SRRM4: variants seen among roughly 807,000 people sequenced by gnomAD.
SRRM4 encodes serine/arginine repetitive matrix 4, also known as serine/arginine repetitive matrix protein 4.
SRRM4 carries 33 observed loss-of-function variants against 68.9 expected under a neutral mutation model. The observed-to-expected ratio is 0.48, with a 90% confidence interval of 0.36 to 0.64. The LOEUF (loss-of-function observed/expected upper bound fraction) is 0.64, where lower values mean the gene tolerates loss of function less well. Among genes scored for constraint, SRRM4 ranks in the 30% least tolerant of loss-of-function variants. SRRM4 has a pLI of 0.00. For missense variants in SRRM4, 817 were observed against 827.1 expected (o/e 0.99, Z 0.15); for synonymous variants, 318 against 318.8 (o/e 1.00, Z 0.03).
At chr12:119,064,556 T>A (rs1323434854) in intron 1 of SRRM4, among the ~76,000 whole-genome samples, 1 of 152,136 alleles carries the variant, frequency 6.6e-6, no homozygotes. Context: ...AAAGAACACT[T>A]CAGAAAACTA....
intron 1 of SRRM4, among the ~76,000 whole-genome samples, chr12:119,047,987 A>G (rs574891859): frequency 6.6e-6 from 1 of 152,360 alleles, no homozygotes; most frequent in South Asian, 2.1e-4. Flanking sequence ...TTCTTATAAG[A>G]GACAAATGTT....
chr12:119,153,737 G>A, intron 11 of SRRM4, 88 bp downstream of exon 11: 1 of 976,252 alleles, frequency 1.0e-6, no homozygotes, highest in Non-Finnish European at 1.6e-6. Flanking sequence ...CCCCGTTCTC[G>A]GGCCTTCTTC....
intron 7 of SRRM4, 68 bp from the exon 8 acceptor site, chr12:119,130,610 G>A: frequency 6.7e-7 from 1 of 1,488,442 alleles, no homozygotes; most frequent in Admixed American, 2.0e-5. Context: ...GATCCTGTTG[G>A]TCCTGCATAC....
intron 1 of SRRM4, among the ~76,000 whole-genome samples, chr12:118,983,084 T>A (rs1000428354): frequency 2.6e-5 from 4 of 152,210 alleles, no homozygotes; most frequent in Non-Finnish European, 5.9e-5. Flanking sequence ...GGGAGCAGAT[T>A]GAAAACATGT....
Position 119,151,305 on chromosome 12 carries a change from A to C in SRRM4, c.1280+85A>C, listed in dbSNP as rs976363595. On this transcript the variant is annotated intron_variant, in intron 10 of 12. Coordinates refer to ENST00000267260, the MANE Select transcript of SRRM4 (RefSeq NM_194286.4). ...GCAGATGTCCTTTGACCCATGGGGG[A>C]GAGAAGTCAGACGGACTTAGGTTTG... 5.5e-6 allele frequency: 7 copies of C among 1,276,354 alleles called. No individual in the cohort carries two copies. The African/African-American group carries it at 1.0e-4, about 19-fold the overall frequency. The allele number at this position is 1,276,354 out of a possible 1,614,324, so 79.1% of individuals were successfully genotyped here.
At chr12:118,992,328 G>A (rs1953322184) in intron 1 of SRRM4, 1 of 152,184 alleles carries the variant, frequency 6.6e-6, no homozygotes, top group Non-Finnish European at 1.5e-5. Flanking sequence ...TGTGAGACAT[G>A]ACATCCCGCC....
intron 2 of SRRM4, among the ~76,000 whole-genome samples, chr12:119,107,391 G>A (rs116671277): frequency 0.077 from 11,710 of 152,112 alleles, 499 homozygotes; most frequent in Admixed American, 0.1. Flanking sequence ...TACAGAAGAA[G>A]TGGTACCAAC....
At chr12:119,119,066 T>TA (rs1954201248) in intron 4 of SRRM4, among the ~76,000 whole-genome samples, 1 of 150,932 alleles carries the variant, frequency 6.6e-6, no homozygotes, top group Non-Finnish European at 1.5e-5. Flanking sequence ...TTTTTTTTTT[T>TA]TGTCTCTCCT....
chr12:118,984,677 A>G (rs1015548442), intron 1 of SRRM4, among the ~76,000 whole-genome samples: 2 of 152,238 alleles, frequency 1.3e-5, no homozygotes, highest in African/African-American at 4.8e-5. Context: ...TGCAACTGCA[A>G]TCTAAGCAAC....
At chr12:119,131,225 C>A (rs1873628474) in intron 8 of SRRM4, among the ~76,000 whole-genome samples, 1 of 152,182 alleles carries the variant, frequency 6.6e-6, no homozygotes, top group African/African-American at 2.4e-5. Flanking sequence ...CCAGCTTTTA[C>A]ATGAAGTCTG....
At chr12:119,093,744 C>T (rs762630708) in intron 1 of SRRM4, among the ~76,000 whole-genome samples, 4 of 152,162 alleles carry the variant, frequency 2.6e-5, no homozygotes, top group Non-Finnish European at 5.9e-5. Context: ...TTTTGAACAC[C>T]CTGCTCAAGT....
intron 1 of SRRM4, among the ~76,000 whole-genome samples, chr12:119,091,998 A>C (rs902220658): frequency 6.6e-6 from 1 of 152,226 alleles, no homozygotes; most frequent in African/African-American, 2.4e-5. Context: ...GAATGAGTGA[A>C]TGAATAGCTG....
In SRRM4 at chr12:119,154,830, G is replaced by C. The variant is rs1444136435; in HGVS notation, c.1532+447G>C. Among the ~76,000 whole-genome samples, 1 of 152,234 alleles carries C rather than the reference G, an allele frequency of 6.6e-6. No individual in the cohort carries two copies. The highest frequency in any genetic ancestry group is 1.5e-5 in the Non-Finnish European group (1 of 68,048). On this transcript the variant is annotated intron_variant, in intron 12 of 12. Coordinates refer to ENST00000267260, the MANE Select transcript of SRRM4 (RefSeq NM_194286.4). This position sits in a 1 kb window ranked among gnomAD's most constrained non-coding sequence, Gnocchi z 4.7. ...CTCAGACCTGTACACTCAGCTGTCA[G>C]GCTTAAATAAACCTATATGTAATTA...
rs920127494 is a variant in SRRM4, at chr12:119,154,444, A to G, written c.1532+61A>G. 2 of 1,581,168 alleles carry G rather than the reference A, an allele frequency of 1.3e-6. No individual in the cohort carries two copies. The highest frequency in any genetic ancestry group is 1.3e-5 in the African/African-American group (1 of 74,310). On this transcript the variant is annotated intron_variant, in intron 12 of 12. Transcript: ENST00000267260. The surrounding 1 kb of genome is among the most constrained non-coding windows in gnomAD (Gnocchi z 4.7). ...CTCGTTCCCACTCCCATTCTTACTC[A>G]TTCGAGCCTCAGGCTCTCCCTAGGC...
intron 1 of SRRM4, among the ~76,000 whole-genome samples, chr12:119,052,781 G>A (rs7953473): frequency 0.88 from 134,099 of 152,164 alleles, 59,456 homozygotes; most frequent in Middle Eastern, 0.95. Context: ...GCCCCACCTC[G>A]GCCTCCCAAA....
Position 119,103,923 on chromosome 12 carries a change from T to C in SRRM4, c.278+1541T>C, listed in dbSNP as rs144406563. Among the ~76,000 whole-genome samples the C allele has an allele frequency of 7.7e-3, 1,178 of 152,176 alleles. 22 individuals are homozygous for C. Among genetic ancestry groups the C allele is most frequent in the African/African-American group, 0.027 (1,116 of 41,512 alleles). The stretch of plus-strand genomic sequence containing the variant: ...GAGGCTGAGGCAGAAGAATTGCTTG[T>C]ACCCAGGAGGAGGAGGTTGCAGTGA... On this transcript the variant is annotated intron_variant, in intron 2 of 12. Coordinates refer to ENST00000267260, the MANE Select transcript of SRRM4 (RefSeq NM_194286.4).
intron 8 of SRRM4, 50 bp downstream of exon 8, chr12:119,130,884 G>A (rs748038877): frequency 1.3e-6 from 2 of 1,565,870 alleles, no homozygotes; most frequent in Non-Finnish European, 1.7e-6. Flanking sequence ...CGACACTTGG[G>A]GAATGTGGAG....
At chr12:119,045,367 G>A (rs538726733) in intron 1 of SRRM4, among the ~76,000 whole-genome samples, 1 of 139,620 alleles carries the variant, frequency 7.2e-6, no homozygotes, top group South Asian at 2.4e-4. Context: ...TATCTTTGAT[G>A]AAAACGCCTC....
At chr12:119,050,839 T>G (rs1953737981) in intron 1 of SRRM4, among the ~76,000 whole-genome samples, 3 of 152,090 alleles carry the variant, frequency 2.0e-5, no homozygotes, top group African/African-American at 7.2e-5. Context: ...AAAAGTTTAT[T>G]ATTAAATGTA....
Sources: allele counts gnomAD v4.1 joint callset (sites outside exome capture counted in the v4.1 genomes callset), GRCh38; gene constraint gnomAD v4.1.1; non-coding constraint Gnocchi (gnomAD v3.1); transcripts MANE v1.5; gene names NCBI Gene and HGNC (gene_info 2026-07-23, HGNC 2026-07-21).